CTNNA2: variants seen among roughly 807,000 people sequenced by gnomAD.
The protein encoded by CTNNA2 is catenin alpha 2.
A neutral mutation model predicts 101.0 loss-of-function variants in CTNNA2; 42 were observed. The observed-to-expected ratio is 0.42, with a 90% CI of 0.32 to 0.54. The LOEUF (loss-of-function observed/expected upper bound fraction) is 0.54, where lower values mean the gene tolerates loss of function less well. Among genes scored for constraint, CTNNA2 ranks in the 20% least tolerant of loss-of-function variants. The pLI is 0.14. For missense variants in CTNNA2, 871 were observed against 1,223.1 expected (o/e 0.71, Z 4.29); for synonymous variants, 450 against 456.4 (o/e 0.99, Z 0.18).
chr2:80,475,925 A>G (rs763875470), intron 9 of CTNNA2, among the ~76,000 whole-genome samples: 10 of 152,122 alleles, frequency 6.6e-5, no homozygotes, highest in Non-Finnish European at 1.0e-4. Flanking sequence ...AAAAAAATCA[A>G]TTCTGGCAAT....
At chr2:79,994,126 C>G (rs909021856) in intron 7 of CTNNA2, among the ~76,000 whole-genome samples, 1 of 152,084 alleles carries the variant, frequency 6.6e-6, no homozygotes, top group African/African-American at 2.4e-5. Context: ...CTATGTTGCT[C>G]AGGCTGGTCT....
chr2:80,396,475 A>G (rs1377412654), intron 8 of CTNNA2, among the ~76,000 whole-genome samples: 5 of 152,162 alleles, frequency 3.3e-5, no homozygotes, highest in African/African-American at 9.7e-5. Flanking sequence ...CCCAGTGTGG[A>G]AACAATAGCT....
chr2:79,929,982 A>T (rs1687278222), intron 7 of CTNNA2, among the ~76,000 whole-genome samples: 1 of 152,078 alleles, frequency 6.6e-6, no homozygotes, highest in Non-Finnish European at 1.5e-5. Flanking sequence ...AATGCCTGTA[A>T]TCCCAGCACT....
intron 1 of CTNNA2, among the ~76,000 whole-genome samples, chr2:79,622,680 T>C (rs1323472995): frequency 6.6e-6 from 1 of 152,190 alleles, no homozygotes; most frequent in Non-Finnish European, 1.5e-5. Flanking sequence ...TAGTGGTTCA[T>C]GAGGGTGACT....
chr2:79,871,792 T>C (rs979348697), intron 5 of CTNNA2, among the ~76,000 whole-genome samples: 1 of 152,162 alleles, frequency 6.6e-6, no homozygotes, highest in Non-Finnish European at 1.5e-5. Flanking sequence ...GATATCCACA[T>C]TGAAACATCA....
At chr2:80,006,359 T>TAAAAAAAAAAAAAAAAA (rs5832428) in intron 7 of CTNNA2, among the ~76,000 whole-genome samples, 1 of 139,054 alleles carries the variant, frequency 7.2e-6, no homozygotes, top group Non-Finnish European at 1.5e-5. Flanking sequence ...AGAAGTGCAG[T>TAAAAAAAAAAAAAAAAA]AAAAAAAAAA....
At chr2:80,420,019 A>G (rs938468938) in intron 9 of CTNNA2, among the ~76,000 whole-genome samples, 34 of 124,888 alleles carry the variant, frequency 2.7e-4, no homozygotes, top group Non-Finnish European at 4.7e-4. Context: ...GATGCTGTCC[A>G]CACTGGGAAC....
intron 1 of CTNNA2, among the ~76,000 whole-genome samples, chr2:79,626,965 C>T (rs902079524): frequency 1.3e-5 from 2 of 152,140 alleles, no homozygotes; most frequent in Non-Finnish European, 2.9e-5. Flanking sequence ...AGGTCCTGAG[C>T]ATCGATTGTG....
chr2:79,337,611 A>G (rs1256234707), intron 3 of CTNNA2, among the ~76,000 whole-genome samples: 1 of 152,050 alleles, frequency 6.6e-6, no homozygotes, highest in African/African-American at 2.4e-5. Context: ...AAACTATACA[A>G]CCCTAGAGAA....
chr2:80,507,645 A>G (rs1483378597), intron 9 of CTNNA2, among the ~76,000 whole-genome samples: 4 of 152,122 alleles, frequency 2.6e-5, no homozygotes, highest in African/African-American at 9.7e-5. Flanking sequence ...AAATGTCATT[A>G]TTGTCCCCCA....
At chr2:79,889,208 A>G (rs1333100330) in intron 6 of CTNNA2, among the ~76,000 whole-genome samples, 3 of 152,170 alleles carry the variant, frequency 2.0e-5, no homozygotes, top group Admixed American at 2.0e-4. Flanking sequence ...ACGTGCAACA[A>G]CTGCACGTGA....
chr2:79,863,643 A>G (rs932266197), intron 4 of CTNNA2, among the ~76,000 whole-genome samples: 11 of 152,104 alleles, frequency 7.2e-5, no homozygotes, highest in Admixed American at 3.9e-4. Context: ...GGATTAGCTC[A>G]TAAGAAATGA....
rs1678288867 is a variant in CTNNA2, at chr2:79,824,805, T to G, written c.299-33208T>G. Reference sequence around the variant, plus strand: ...TCTAAATCATCAAAAAAGTTCCCCTTTTTTTGGTATGGTTTTAATATCAAA... The same window carrying G: ...TCTAAATCATCAAAAAAGTTCCCCTGTTTTTGGTATGGTTTTAATATCAAA... On this transcript the variant is annotated intron_variant, in intron 3 of 18. Transcript: ENST00000402739. 3.3e-5 allele frequency among the ~76,000 whole-genome samples: 5 copies of G among 152,296 alleles called. No homozygotes were observed. In the South Asian group the frequency reaches 1.0e-3, roughly 32 times the overall value.
chr2:79,983,075 C>A (rs764535570), intron 7 of CTNNA2, among the ~76,000 whole-genome samples: 19 of 150,796 alleles, frequency 1.3e-4, no homozygotes, highest in Non-Finnish European at 2.5e-4. Flanking sequence ...AATTACACAA[C>A]CCTGGAAAGC....
intron 2 of CTNNA2, among the ~76,000 whole-genome samples, chr2:79,654,988 A>C (rs1374217044): frequency 6.6e-6 from 1 of 152,182 alleles, no homozygotes. Flanking sequence ...CCTAAATATA[A>C]AATATGGACT....
At chr2:79,467,992 A>C (rs937468679) in intron 4 of CTNNA2, among the ~76,000 whole-genome samples, 1 of 152,228 alleles carries the variant, frequency 6.6e-6, no homozygotes, top group Non-Finnish European at 1.5e-5. Flanking sequence ...ATAACCAGCT[A>C]ACATCATAAT....
intron 7 of CTNNA2, among the ~76,000 whole-genome samples, chr2:80,238,966 T>TA (rs927035314): frequency 3.9e-5 from 6 of 152,180 alleles, no homozygotes; most frequent in Non-Finnish European, 8.8e-5. Flanking sequence ...CTAATTGTTA[T>TA]AAAAATGTTA....
intron 1 of CTNNA2, among the ~76,000 whole-genome samples, chr2:79,570,519 T>C (rs1410194132): frequency 1.3e-5 from 2 of 152,168 alleles, no homozygotes; most frequent in Non-Finnish European, 2.9e-5. Flanking sequence ...TTGCCGATTG[T>C]AACCTATCAG....
chr2:80,116,240 G>A (rs996579287), intron 7 of CTNNA2, among the ~76,000 whole-genome samples: 2 of 152,058 alleles, frequency 1.3e-5, no homozygotes, highest in Admixed American at 1.3e-4. Context: ...TTGTGGGATG[G>A]ATTTGACCTG....
Sources: allele counts gnomAD v4.1 joint callset (sites outside exome capture counted in the v4.1 genomes callset), GRCh38; gene constraint gnomAD v4.1.1; transcripts MANE v1.5; gene names NCBI Gene and HGNC (gene_info 2026-07-23, HGNC 2026-07-21).